Variants in DENND2A observed in about 807,000 individuals in gnomAD.
DENND2A encodes the protein DENN domain containing 2A, also known as DENN domain-containing protein 2A.
A neutral mutation model predicts 105.3 loss-of-function variants in DENND2A; 53 were observed. That is an observed-to-expected ratio of 0.50 (90% CI 0.40 to 0.63). DENND2A has a LOEUF of 0.63. Ranked by LOEUF, DENND2A falls within the 30% of genes least tolerant of loss-of-function variation. The pLI is 0.00. For missense variants in DENND2A, 1,138 were observed against 1,279.6 expected, an observed-to-expected ratio of 0.89 and a Z score of 1.69; for synonymous variants, 522 against 508.4, an observed-to-expected ratio of 1.03 and a Z score of -0.36.
At chr7:140,539,817 G>A (rs1563125838) in intron 14 of DENND2A, among the ~76,000 whole-genome samples, 2 of 152,180 alleles carry the variant, frequency 1.3e-5, no homozygotes, top group Non-Finnish European at 1.5e-5. Flanking sequence ...AGAGCTCTTC[G>A]GGCCTTTCTT....
At chr7:140,538,256 A>ACTTAG (rs1184528605) in intron 14 of DENND2A, among the ~76,000 whole-genome samples, 1 of 152,154 alleles carries the variant, frequency 6.6e-6, no homozygotes, top group Non-Finnish European at 1.5e-5. Flanking sequence ...GGGGGTGGCT[A>ACTTAG]CCGACCTAGA....
At chr7:140,524,554 A>T (rs976233567) in intron 16 of DENND2A, among the ~76,000 whole-genome samples, 1 of 151,648 alleles carries the variant, frequency 6.6e-6, no homozygotes, top group South Asian at 2.1e-4. Context: ...ACGTATATAC[A>T]TATTTTTTTT....
At chr7:140,563,145 A>G (rs974004401) in intron 9 of DENND2A, among the ~76,000 whole-genome samples, 17 of 152,244 alleles carry the variant, frequency 1.1e-4, no homozygotes, top group African/African-American at 3.1e-4. Flanking sequence ...GTTTCTCCAC[A>G]AAGGAAACAG....
intron 10 of DENND2A, among the ~76,000 whole-genome samples, chr7:140,558,511 T>C (rs1423532909): frequency 6.6e-6 from 1 of 151,882 alleles, no homozygotes; most frequent in Non-Finnish European, 1.5e-5. Context: ...GCCTGGCCAA[T>C]AGGGTGAAAC....
chr7:140,639,816 G>A (rs1023397394), intron 1 of DENND2A, among the ~76,000 whole-genome samples: 35 of 152,262 alleles, frequency 2.3e-4, no homozygotes, highest in African/African-American at 7.9e-4. Context: ...GCCCTGACCA[G>A]TTTCCTGCTT....
At chr7:140,526,988 G>A (rs1461567368) in intron 15 of DENND2A, among the ~76,000 whole-genome samples, 7 of 152,138 alleles carry the variant, frequency 4.6e-5, no homozygotes, top group Admixed American at 4.6e-4. Context: ...TCCTCAATGT[G>A]GGGGAGTGGG....
chr7:140,598,055 C>A (rs1294454127), intron 3 of DENND2A, among the ~76,000 whole-genome samples: 1 of 152,070 alleles, frequency 6.6e-6, no homozygotes, highest in Non-Finnish European at 1.5e-5. Context: ...CTAGACCAGT[C>A]TAATTTATTT....
intron 1 of DENND2A, among the ~76,000 whole-genome samples, chr7:140,613,483 C>T (rs144605212): frequency 0.02 from 3,058 of 149,368 alleles, 29 homozygotes; most frequent in Non-Finnish European, 0.028. Flanking sequence ...GAGGTTGCAG[C>T]GAGCCGAGAT....
In DENND2A at chr7:140,601,726, G is replaced by A. The variant is rs771246634; in HGVS notation, c.672C>T (p.Gly224=). The change falls in exon 3 of 20, where the codon GGC becomes GGT. Residue 224 remains glycine, a synonymous_variant. Transcript: ENST00000496613. ...SQRVHPSDLE[G]REPTPELVED... is the part of the protein sequence containing the mutation. ...CCACAAGCTCAGGGGTGGGCTCCCT[G>A]CCTTCCAGGTCCGAGGGGTGGACCC... The A allele has an allele frequency of 8.1e-6, 13 of 1,613,912 alleles. No homozygotes were observed. The South Asian group carries it at 1.4e-4, about 18-fold the overall frequency.
chr7:140,635,633 A>C (rs1800897810), intron 1 of DENND2A, among the ~76,000 whole-genome samples: 1 of 152,178 alleles, frequency 6.6e-6, no homozygotes, highest in Non-Finnish European at 1.5e-5. Flanking sequence ...AGCTTGCTGC[A>C]AGGGTGACCC....
chr7:140,587,729 C>T lies in DENND2A; in HGVS notation c.1047G>A (p.Arg349=), dbSNP rs1244557940. The part of the protein sequence containing the change: ...DLLQSSSESS[R]VDWYAQTKLG... ...GCTTAGTCTGCGCGTACCAGTCCAC[C>T]CTGCTGCTCTCAGAGGAAGACTGCA... The change falls in exon 4 of 20, where the codon AGG becomes AGA. Residue 349 remains arginine, a synonymous_variant. Transcript: ENST00000496613. The T allele has an allele frequency of 6.2e-7, 1 of 1,611,154 alleles. No individual in the cohort carries two copies. The highest frequency in any genetic ancestry group is 2.2e-5 in the East Asian group (1 of 44,742).
At chr7:140,574,509 A>G (rs1639944) in intron 5 of DENND2A, among the ~76,000 whole-genome samples, 79,872 of 151,814 alleles carry the variant, frequency 0.53, 23,732 homozygotes, top group African/African-American at 0.81. Flanking sequence ...ATGAGCCACC[A>G]CACCTGGCCC....
intron 4 of DENND2A, among the ~76,000 whole-genome samples, chr7:140,586,755 T>G (rs1021663319): frequency 6.6e-6 from 1 of 152,238 alleles, no homozygotes; most frequent in Non-Finnish European, 1.5e-5. Context: ...TGGACACAGA[T>G]GCAATTCCAA....
intron 2 of DENND2A, among the ~76,000 whole-genome samples, chr7:140,603,498 C>T (rs1414101152): frequency 1.3e-5 from 2 of 152,196 alleles, no homozygotes; most frequent in Non-Finnish European, 2.9e-5. Flanking sequence ...TGCATCTGAA[C>T]AGAACCTCCT....
chr7:140,610,802 C>T (rs1191238321), intron 1 of DENND2A, among the ~76,000 whole-genome samples: 2 of 152,200 alleles, frequency 1.3e-5, no homozygotes, highest in African/African-American at 4.8e-5. Context: ...GAGAAGCGGG[C>T]TATGCCTGAG....
Position 140,526,400 on chromosome 7 carries a change from G to A in DENND2A, c.2506-608C>T, listed in dbSNP as rs114264595. 6.8e-3 allele frequency among the ~76,000 whole-genome samples: 1,038 copies of A among 152,302 alleles called. 7 individuals are homozygous for A. The highest frequency in any genetic ancestry group is 0.023 in the African/African-American group (947 of 41,572). ...CACAAGTGCTGCTGCTCCTGAGAGCGCGACCCTCACTCAGACCCCAGCCAA... is the reference window on the plus strand; with the variant it reads ...CACAAGTGCTGCTGCTCCTGAGAGCACGACCCTCACTCAGACCCCAGCCAA... On this transcript the variant is annotated intron_variant, in intron 15 of 19. Transcript: ENST00000496613.
intron 15 of DENND2A, among the ~76,000 whole-genome samples, chr7:140,526,986 G>A (rs1264823094): frequency 6.6e-6 from 1 of 152,166 alleles, no homozygotes; most frequent in African/African-American, 2.4e-5. Context: ...GCTCCTCAAT[G>A]TGGGGGAGTG....
At chr7:140,564,332 T>C (rs916660250) in intron 9 of DENND2A, among the ~76,000 whole-genome samples, 3 of 150,620 alleles carry the variant, frequency 2.0e-5, no homozygotes, top group East Asian at 1.9e-4. Context: ...GGTAGCCAGA[T>C]ACATTTCTAA....
At chr7:140,620,139 G>T (rs1403015940) in intron 1 of DENND2A, among the ~76,000 whole-genome samples, 2 of 151,820 alleles carry the variant, frequency 1.3e-5, no homozygotes, top group African/African-American at 2.4e-5. Flanking sequence ...GAGGTTGCAT[G>T]GAGCCAAGAT....
Sources: gnomAD v4.1 joint callset for allele counts (sites outside exome capture counted in the v4.1 genomes callset) on GRCh38, gnomAD v4.1.1 for gene constraint, MANE v1.5 for transcripts, NCBI Gene and HGNC (gene_info 2026-07-23, HGNC 2026-07-21) for gene names.